The following ZEB1 variants were observed in gnomAD, a reference collection of about 807,000 sequenced individuals.
ZEB1 encodes zinc finger E-box-binding homeobox 1.
Under a neutral mutation model 84.9 loss-of-function variants are expected in ZEB1, and 21 were observed. The observed-to-expected ratio is 0.25, with a 90% CI of 0.18 to 0.36. The LOEUF (loss-of-function observed/expected upper bound fraction) is 0.36. Among genes scored for constraint, ZEB1 ranks in the 10% least tolerant of loss-of-function variants. ZEB1 has a pLI of 1.00. For synonymous variants in ZEB1, 420 were observed against 471.1 expected (o/e 0.89, Z 1.41); for missense variants, 1,104 against 1,330.2 (o/e 0.83, Z 2.65).
At chr10:31,464,418 T>G (rs904763447) in intron 2 of ZEB1, among the ~76,000 whole-genome samples, 2 of 152,214 alleles carry the variant, frequency 1.3e-5, no homozygotes, top group African/African-American at 2.4e-5. Context: ...CAATACATCT[T>G]ATGCCAGGAG....
chr10:31,524,828 A>C (rs2073110905), intron 8 of ZEB1, among the ~76,000 whole-genome samples: 1 of 152,114 alleles, frequency 6.6e-6, no homozygotes, highest in Admixed American at 6.5e-5. Context: ...GCATGCGGCA[A>C]GCTGTCCTGG....
In ZEB1 at chr10:31,526,954, C is replaced by G. The variant is rs2073567075; in HGVS notation, c.3068C>G (p.Ser1023Trp). The G allele has an allele frequency of 6.2e-7, 1 of 1,613,024 alleles. No individual in the cohort carries two copies. The highest frequency in any genetic ancestry group is 1.1e-5 in the South Asian group (1 of 91,022). Residue 1023 changes from serine to tryptophan, a missense_variant, in exon 9 of 9, where the codon TCG becomes TGG. Ser to Trp is a radical substitution (Grantham distance 177). Around this residue, in one of 7 missense-constraint regions of ZEB1, gnomAD observed 173 missense variants for 167.0 expected, o/e 1.04. Transcript: ENST00000424869. ...GARASPSQGD[S>W]DERESLTREE... is the part of the protein sequence containing the mutation. ...AGGGCGTCTCCCTCACAGGGCGACT[C>G]GGACGAGAGAGAGAGTTTGACAAGG...
intron 1 of ZEB1, among the ~76,000 whole-genome samples, chr10:31,422,636 C>A (rs1361993070): frequency 6.6e-6 from 1 of 152,020 alleles, no homozygotes; most frequent in Non-Finnish European, 1.5e-5. Flanking sequence ...ATGTACTTTT[C>A]AAAAAATCTA....
At chr10:31,333,503 A>G (rs1272947116) in intron 1 of ZEB1, among the ~76,000 whole-genome samples, 1 of 152,138 alleles carries the variant, frequency 6.6e-6, no homozygotes, top group Non-Finnish European at 1.5e-5. Flanking sequence ...AGCTACGGGT[A>G]GGCTTGGTAA....
At chr10:31,319,614 C>T (rs2033179634) in intron 1 of ZEB1, 3 of 351,090 alleles carry the variant, frequency 8.5e-6, no homozygotes, top group Non-Finnish European at 1.0e-5. Context: ...GGCGGGCGGC[C>T]GGGACGCACT....
rs550051671 is a variant in ZEB1, at chr10:31,327,245, G to A, written c.58+7953G>A. Among the ~76,000 whole-genome samples, 5 of 151,408 alleles carry A rather than the reference G, an allele frequency of 3.3e-5. No individual in the cohort carries two copies. The East Asian group carries it at 9.7e-4, about 29-fold the overall frequency. On this transcript the variant is annotated intron_variant, in intron 1 of 8. Coordinates refer to ENST00000424869, the MANE Select transcript of ZEB1 (RefSeq NM_001174096.2). ...CCCGCTTCAGCCTCCCAAGTAGCTG[G>A]GATTACAGGCACACACCGCCATGCC...
chr10:31,442,717 C>T (rs1207576014), intron 1 of ZEB1, among the ~76,000 whole-genome samples: 1 of 151,964 alleles, frequency 6.6e-6, no homozygotes, highest in Admixed American at 6.6e-5. Context: ...GAAAAAGAAG[C>T]AGTTGGTGAG....
rs558887645 is a variant in ZEB1, at chr10:31,528,329, A to G, written c.*1065A>G. On this transcript the variant is annotated 3_prime_UTR_variant, in exon 9 of 9. Coordinates refer to ENST00000424869, the MANE Select transcript of ZEB1 (RefSeq NM_001174096.2). Reference sequence around the variant, plus strand: ...CCTTCAATTCCTCGGTATTGATTTTATGTTGATTGATTTTCAGAATTTCTC... The same window carrying G: ...CCTTCAATTCCTCGGTATTGATTTTGTGTTGATTGATTTTCAGAATTTCTC... 1 of 152,162 alleles carries G rather than the reference A, an allele frequency of 6.6e-6. No homozygotes were observed. Among genetic ancestry groups the G allele is most frequent in the Non-Finnish European group, 1.5e-5 (1 of 68,014 alleles). 9.4% of individuals were successfully genotyped at this position (152,162 alleles called of 1,614,324 possible).
chr10:31,523,864 G>T, intron 7 of ZEB1, 69 bp from the exon 8 acceptor site: 2 of 1,534,132 alleles, frequency 1.3e-6, no homozygotes, highest in South Asian at 1.1e-5. Context: ...TTTATCTCAT[G>T]CTTTTATGTA....
At chr10:31,437,022 G>A (rs2058373338) in intron 1 of ZEB1, among the ~76,000 whole-genome samples, 1 of 151,832 alleles carries the variant, frequency 6.6e-6, no homozygotes, top group African/African-American at 2.4e-5. Flanking sequence ...AGGTAACTTA[G>A]GTAAAACAAA....
intron 1 of ZEB1, among the ~76,000 whole-genome samples, chr10:31,452,037 G>T (rs2060621724): frequency 6.6e-6 from 1 of 152,094 alleles, no homozygotes; most frequent in African/African-American, 2.4e-5. Flanking sequence ...CACCCCTTTT[G>T]CAGGGGTAAA....
chr10:31,408,875 A>C, intron 1 of ZEB1, among the ~76,000 whole-genome samples: 4 of 150,632 alleles, frequency 2.7e-5, no homozygotes, highest in African/African-American at 9.9e-5. Context: ...CAATGGCAAC[A>C]AAAGCCAAAA....
intron 1 of ZEB1, among the ~76,000 whole-genome samples, chr10:31,440,656 C>T (rs994012180): frequency 6.6e-6 from 1 of 152,116 alleles, no homozygotes; most frequent in African/African-American, 2.4e-5. Context: ...ATTTAGAAAA[C>T]CCCATTGTCT....
At chr10:31,343,302 A>T (rs1032433946) in intron 1 of ZEB1, among the ~76,000 whole-genome samples, 1 of 152,078 alleles carries the variant, frequency 6.6e-6, no homozygotes, top group African/African-American at 2.4e-5. Context: ...TTTAGAGATG[A>T]TTCAATCTGA....
rs188702835 is a variant in ZEB1, at chr10:31,529,049, C to A, written c.*1785C>A. ...TAACTTCTATAAACAGTGTTGGGAA[C>A]AATGTTTAACATTTTGTGCCAATTT... On this transcript the variant is annotated 3_prime_UTR_variant, in exon 9 of 9. Transcript: ENST00000424869. 4 of 152,232 alleles carry A rather than the reference C, an allele frequency of 2.6e-5. No individual in the cohort carries two copies. The East Asian group carries it at 5.8e-4, about 22-fold the overall frequency. 9.4% of individuals were successfully genotyped at this position (152,232 alleles called of 1,614,324 possible).
chr10:31,468,642 A>G (rs2062747922), intron 2 of ZEB1, among the ~76,000 whole-genome samples: 1 of 152,186 alleles, frequency 6.6e-6, no homozygotes, highest in Non-Finnish European at 1.5e-5. Flanking sequence ...CATTTGAGAA[A>G]ACAACTACAC....
At chr10:31,444,299 G>C (rs1331655281) in intron 1 of ZEB1, among the ~76,000 whole-genome samples, 1 of 134,904 alleles carries the variant, frequency 7.4e-6, no homozygotes, top group Non-Finnish European at 1.6e-5. Context: ...GTTCATTGTA[G>C]ATTCTGGATA....
Position 31,527,480 on chromosome 10 carries a change from C to A in ZEB1, c.*216C>A. The A allele has an allele frequency of 1.6e-6, 1 of 610,168 alleles. No homozygotes were observed. Among genetic ancestry groups the A allele is most frequent in the South Asian group, 2.3e-5 (1 of 42,766 alleles). The allele number at this position is 610,168 out of a possible 1,614,324, so 37.8% of individuals were successfully genotyped here. ...AATAAATCCGGGTGTGCCTGAACCT[C>A]AGACCTAGTAATTTTTCATGCAGTT... On this transcript the variant is annotated 3_prime_UTR_variant, in exon 9 of 9. Transcript: ENST00000424869.
chr10:31,346,865 A>G (rs1322063812), intron 1 of ZEB1, among the ~76,000 whole-genome samples: 3 of 152,168 alleles, frequency 2.0e-5, no homozygotes, highest in African/African-American at 7.2e-5. Context: ...TTGCTAATTA[A>G]GTCTTTTCCT....
Sources: allele counts gnomAD v4.1 joint callset (sites outside exome capture counted in the v4.1 genomes callset), GRCh38; gene constraint gnomAD v4.1.1; regional missense constraint gnomAD v4.1.1; transcripts MANE v1.5; gene names NCBI Gene and HGNC (gene_info 2026-07-23, HGNC 2026-07-21).